PCDH15: variants seen among roughly 807,000 people sequenced by gnomAD.
The protein encoded by PCDH15 is protocadherin related 15.
A neutral mutation model predicts 178.5 loss-of-function variants in PCDH15; 129 were observed. That is an observed-to-expected ratio of 0.72 (90% CI 0.63 to 0.84). The LOEUF is 0.84. Ranked by LOEUF, PCDH15 falls within the 40% of genes least tolerant of loss-of-function variation. The probability of loss-of-function intolerance (pLI) is 0.00; values close to 1 mark genes in which losing one functional copy is unlikely to be tolerated. For missense variants in PCDH15, 2,230 were observed against 2,099.9 expected (o/e 1.06, Z -1.21); for synonymous variants, 800 against 732.0 (o/e 1.09, Z -1.50).
chr10:55,462,818 T>C (rs1839708089), intron 2 of PCDH15, among the ~76,000 whole-genome samples: 1 of 152,070 alleles, frequency 6.6e-6, no homozygotes, highest in South Asian at 2.1e-4. Context: ...ATGCAAAGGG[T>C]ATATGTTATA....
At chr10:53,884,388 T>C (rs550338670) in intron 26 of PCDH15, among the ~76,000 whole-genome samples, 1 of 152,284 alleles carries the variant, frequency 6.6e-6, no homozygotes, top group South Asian at 2.1e-4. Context: ...AGTCATTCCG[T>C]GGGTGCCATT....
chr10:54,756,096 C>CACACACACACA (rs1469590473), intron 1 of PCDH15, among the ~76,000 whole-genome samples: 1 of 146,520 alleles, frequency 6.8e-6, no homozygotes, highest in Non-Finnish European at 1.5e-5. Context: ...CACACACACA[C>CACACACACACA]AAAATTAGCT....
At chr10:55,089,656 T>A (rs751964990) in intron 2 of PCDH15, among the ~76,000 whole-genome samples, 1 of 152,140 alleles carries the variant, frequency 6.6e-6, no homozygotes, top group Non-Finnish European at 1.5e-5. Flanking sequence ...GTTTTCCACA[T>A]TGAGTCTCTG....
At position 54,447,428 on chromosome 10, in the gene PCDH15, C is replaced by G. The variant is rs147103657; in HGVS notation, c.158-68486G>C. Among the ~76,000 whole-genome samples, 325 of 151,726 alleles carry G rather than the reference C, an allele frequency of 2.1e-3. 2 individuals carry two copies. The highest frequency in any genetic ancestry group is 6.8e-3 in the African/African-American group (282 of 41,494). On this transcript the variant is annotated intron_variant, in intron 3 of 37. Coordinates refer to ENST00000644397, the MANE Select transcript of PCDH15 (RefSeq NM_001384140.1). ...AGCTTCTGATGATGACCAATTAACTCTCTGTTTCTATGAGTTTTACTTATT... is the reference window on the plus strand; with the variant it reads ...AGCTTCTGATGATGACCAATTAACTGTCTGTTTCTATGAGTTTTACTTATT...
intron 10 of PCDH15, among the ~76,000 whole-genome samples, chr10:54,196,351 C>T (rs1202534597): frequency 1.3e-5 from 2 of 151,924 alleles, no homozygotes; most frequent in African/African-American, 4.8e-5. Context: ...ACCGTGTTAG[C>T]CAGGATGCTC....
rs535154573 is a variant in PCDH15 at position 54,601,429 on chromosome 10, G to A, written c.91+62743C>T. Among the ~76,000 whole-genome samples, 11 of 151,850 alleles carry A rather than the reference G, an allele frequency of 7.2e-5. No homozygotes were observed. The South Asian group carries it at 2.1e-3, about 29-fold the overall frequency. On this transcript the variant is annotated intron_variant, in intron 2 of 37. Transcript: ENST00000644397. Reference sequence around the variant, plus strand: ...AAAAAATACTTGCAGCCAAAAAAAAGTATTTTAAAAAAGCTCAACATCACT... The same window carrying A: ...AAAAAATACTTGCAGCCAAAAAAAAATATTTTAAAAAAGCTCAACATCACT...
rs1440139979 is a variant in PCDH15 at position 54,611,950 on chromosome 10, G to C, written c.91+52222C>G. 2.0e-5 allele frequency among the ~76,000 whole-genome samples: 3 copies of C among 151,792 alleles called. No homozygotes were observed. In the East Asian group the frequency reaches 5.8e-4, roughly 29 times the overall value. ...TTGTTCCTCTTCTATTGTTCAAAGA[G>C]TATAGAGTGAATAAATACAAAAACA... is the stretch of plus-strand genomic sequence containing the variant. On this transcript the variant is annotated intron_variant, in intron 2 of 37. Coordinates refer to ENST00000644397, the MANE Select transcript of PCDH15 (RefSeq NM_001384140.1).
chr10:54,551,055 C>A (rs968505240), intron 2 of PCDH15, among the ~76,000 whole-genome samples: 2 of 144,134 alleles, frequency 1.4e-5, no homozygotes, highest in Non-Finnish European at 3.0e-5. Flanking sequence ...CTAGAGTGGA[C>A]GAGGCAGGAG....
chr10:54,131,586 T>C (rs1308754015), intron 15 of PCDH15, among the ~76,000 whole-genome samples: 1 of 152,196 alleles, frequency 6.6e-6, no homozygotes, highest in Non-Finnish European at 1.5e-5. Context: ...CATATAATTT[T>C]GTTTCAATAT....
At chr10:54,104,244 CA>C (rs1407661220) in intron 15 of PCDH15, among the ~76,000 whole-genome samples, 1 of 152,122 alleles carries the variant, frequency 6.6e-6, no homozygotes, top group East Asian at 1.9e-4. Context: ...TTTCTTCTGA[CA>C]AAAAAGTTTC....
At chr10:53,822,576 G>A (rs1455684899) in intron 32 of PCDH15, 2 of 1,613,812 alleles carry the variant, frequency 1.2e-6, no homozygotes, top group East Asian at 4.5e-5. Flanking sequence ...ACAAATAGGT[G>A]TCTCTCTCCT....
intron 2 of PCDH15, among the ~76,000 whole-genome samples, chr10:55,337,908 C>A (rs996449238): frequency 4.6e-5 from 7 of 151,996 alleles, no homozygotes; most frequent in Non-Finnish European, 8.8e-5. Context: ...TGAAAACTAT[C>A]CATCTGACAA....
At chr10:54,674,710 T>A (rs2094749242) in intron 1 of PCDH15, among the ~76,000 whole-genome samples, 1 of 152,112 alleles carries the variant, frequency 6.6e-6, no homozygotes, top group Admixed American at 6.5e-5. Context: ...CTGTCATATT[T>A]CTTAGAGACT....
chr10:55,565,981 T>C (rs879725161), intron 2 of PCDH15, among the ~76,000 whole-genome samples: 18 of 151,664 alleles, frequency 1.2e-4, no homozygotes, highest in Non-Finnish European at 2.2e-4. Context: ...CCAAAACTCA[T>C]TCTATAAGAC....
At chr10:54,487,090 T>A (rs996113094) in intron 3 of PCDH15, among the ~76,000 whole-genome samples, 1 of 152,040 alleles carries the variant, frequency 6.6e-6, no homozygotes, top group Non-Finnish European at 1.5e-5. Context: ...CTAAGCCATA[T>A]AATAAATAGT....
chr10:53,931,570 T>G (rs1309980906), intron 25 of PCDH15, among the ~76,000 whole-genome samples: 1 of 152,154 alleles, frequency 6.6e-6, no homozygotes, highest in African/African-American at 2.4e-5. Flanking sequence ...TTCTACAGTC[T>G]CACTGAAACA....
upstream of PCDH15, among the ~76,000 whole-genome samples, chr10:54,802,200 C>G (rs190310523): frequency 5.0e-4 from 76 of 152,276 alleles, no homozygotes; most frequent in African/African-American, 1.7e-3. Context: ...GATACATTAA[C>G]TCTAAGAAGA....
intron 2 of PCDH15, among the ~76,000 whole-genome samples, chr10:54,590,977 G>A (rs1280102034): frequency 6.6e-6 from 1 of 152,046 alleles, no homozygotes; most frequent in East Asian, 1.9e-4. Flanking sequence ...AACATTCAAT[G>A]GAGTAAAAAG....
chr10:54,969,706 A>G (rs571402421), intron 2 of PCDH15, among the ~76,000 whole-genome samples: 1 of 152,280 alleles, frequency 6.6e-6, no homozygotes, highest in African/African-American at 2.4e-5. Context: ...TTACCTCTGA[A>G]AAGTAGCTCA....
Sources: gnomAD v4.1 joint callset for allele counts (sites outside exome capture counted in the v4.1 genomes callset) on GRCh38, gnomAD v4.1.1 for gene constraint, MANE v1.5 for transcripts, NCBI Gene and HGNC (gene_info 2026-07-23, HGNC 2026-07-21) for gene names.